The following LAMA2 variants were observed in gnomAD, a reference collection of about 807,000 sequenced individuals.
LAMA2 encodes the protein laminin subunit alpha 2.
A neutral mutation model predicts 364.8 loss-of-function variants in LAMA2; 269 were observed. The observed-to-expected ratio is 0.74, with a 90% confidence interval of 0.67 to 0.82. The LOEUF (loss-of-function observed/expected upper bound fraction) is 0.82. LAMA2 is among the 40% of genes least tolerant of loss of function. The pLI is 0.00. For missense variants in LAMA2, 3,807 were observed against 3,873.2 expected (o/e 0.98, Z 0.45); for synonymous variants, 1,379 against 1,370.6 (o/e 1.01, Z -0.14).
chr6:129,036,399 C>T (rs1786643138), intron 1 of LAMA2, among the ~76,000 whole-genome samples: 1 of 152,038 alleles, frequency 6.6e-6, no homozygotes, highest in African/African-American at 2.4e-5. Context: ...ACATTTGAAT[C>T]CATAGTGGAC....
At chr6:129,433,397 A>C (rs1298366452) in intron 41 of LAMA2, among the ~76,000 whole-genome samples, 1 of 152,152 alleles carries the variant, frequency 6.6e-6, no homozygotes, top group Non-Finnish European at 1.5e-5. Context: ...AAGATCCTGC[A>C]CTGGGTATTT....
At chr6:129,156,640 C>T (rs1779133170) in intron 8 of LAMA2, among the ~76,000 whole-genome samples, 3 of 151,818 alleles carry the variant, frequency 2.0e-5, no homozygotes, top group Admixed American at 2.0e-4. Context: ...ATAAGAAGTG[C>T]TTTCTCTGTA....
chr6:128,965,979 G>GTTTT lies in LAMA2; in HGVS notation c.112+82640_112+82643dup, dbSNP rs11342050. 8.5e-3 allele frequency among the ~76,000 whole-genome samples: 956 copies of GTTTT among 112,770 alleles called. 34 individuals carry two copies. Among genetic ancestry groups the GTTTT allele is most frequent in the African/African-American group, 0.03 (874 of 29,270 alleles). 74.0% of individuals were successfully genotyped at this position (112,770 alleles called of 152,430 possible). A position where few individuals can be genotyped will look rare whatever the true frequency, so the allele number is the denominator to read the frequency against. ...TGGAATATTAACATGTAAACCAGAG[G>GTTTT]TTTTTTTTTTTTTTTTTTTTTGAAC... On this transcript the variant is annotated intron_variant, in intron 1 of 64. Transcript: ENST00000421865.
At chr6:129,363,429 C>G (rs752569672) in intron 32 of LAMA2, among the ~76,000 whole-genome samples, 6 of 152,292 alleles carry the variant, frequency 3.9e-5, no homozygotes, top group Middle Eastern at 3.4e-3. Context: ...TCATGTGATT[C>G]CAATGGGCAG....
chr6:128,924,120 A>G (rs2114496071), intron 1 of LAMA2, among the ~76,000 whole-genome samples: 1 of 152,294 alleles, frequency 6.6e-6, no homozygotes, highest in South Asian at 2.1e-4. Flanking sequence ...ATCTATTAAA[A>G]TCATACTATG....
At chr6:129,144,796 A>T (rs993776592) in intron 5 of LAMA2, among the ~76,000 whole-genome samples, 2 of 152,022 alleles carry the variant, frequency 1.3e-5, no homozygotes, top group African/African-American at 2.4e-5. Flanking sequence ...TAGGGGAAAA[A>T]GTTTAAAGCA....
At chr6:129,231,685 C>A (rs1436201515) in intron 12 of LAMA2, among the ~76,000 whole-genome samples, 1 of 152,110 alleles carries the variant, frequency 6.6e-6, no homozygotes, top group Non-Finnish European at 1.5e-5. Flanking sequence ...GTTCCTTAAA[C>A]TACCCATGCA....
chr6:129,424,034 T>C (rs1419831092), intron 40 of LAMA2, among the ~76,000 whole-genome samples: 2 of 152,014 alleles, frequency 1.3e-5, no homozygotes, highest in Non-Finnish European at 2.9e-5. Flanking sequence ...TATTGACAAA[T>C]AGATTATTAG....
At chr6:128,985,602 AT>A (rs911975818) in intron 1 of LAMA2, among the ~76,000 whole-genome samples, 21 of 152,194 alleles carry the variant, frequency 1.4e-4, no homozygotes, top group African/African-American at 4.6e-4. Flanking sequence ...ATTTGAACAT[AT>A]AAAAAATGGA....
intron 12 of LAMA2, among the ~76,000 whole-genome samples, chr6:129,230,133 G>A (rs1195049350): frequency 6.6e-6 from 1 of 152,110 alleles, no homozygotes; most frequent in Non-Finnish European, 1.5e-5. Context: ...AACATTTAGA[G>A]GTTAGGAAAC....
intron 4 of LAMA2, among the ~76,000 whole-genome samples, chr6:129,120,315 A>T (rs1220898725): frequency 6.6e-6 from 1 of 152,218 alleles, no homozygotes; most frequent in East Asian, 1.9e-4. Context: ...TAATGTAATC[A>T]TTTGTAAAAT....
chr6:128,981,615 G>A (rs1782886516), intron 1 of LAMA2, among the ~76,000 whole-genome samples: 1 of 151,480 alleles, frequency 6.6e-6, no homozygotes, highest in Non-Finnish European at 1.5e-5. Flanking sequence ...GCTGGGCTTG[G>A]TGGTTGAGCC....
At chr6:128,977,677 T>C (rs149318475) in intron 1 of LAMA2, among the ~76,000 whole-genome samples, 14 of 152,360 alleles carry the variant, frequency 9.2e-5, no homozygotes, top group African/African-American at 3.1e-4. Flanking sequence ...TGATTGTGTA[T>C]ACTTTATATT....
At chr6:129,328,171 C>T (rs1463951275) in intron 28 of LAMA2, 107 bp from the exon 29 acceptor site, 5 of 946,108 alleles carry the variant, frequency 5.3e-6, no homozygotes, top group East Asian at 2.4e-5. Flanking sequence ...TTGCCCCTGC[C>T]GCAGGTGGGG....
At chr6:129,042,996 G>A (rs1445551989) in intron 1 of LAMA2, among the ~76,000 whole-genome samples, 1 of 152,074 alleles carries the variant, frequency 6.6e-6, no homozygotes, top group Non-Finnish European at 1.5e-5. Flanking sequence ...TCTTTTTAAG[G>A]ACATGTAATG....
chr6:129,358,840 T>A (rs1213103274), intron 32 of LAMA2, among the ~76,000 whole-genome samples: 4 of 152,018 alleles, frequency 2.6e-5, no homozygotes, highest in Non-Finnish European at 4.4e-5. Context: ...GATGAAATAT[T>A]TTCTTTAGTT....
chr6:129,460,652 T>A lies in LAMA2; in HGVS notation c.6992+328T>A, dbSNP rs144260302. ...ATGTCGAGGGGTTTTTTTGTGTCTG[T>A]GAGTACCTCATTGTTATAATTTTTT... is the stretch of plus-strand genomic sequence containing the variant. On this transcript the variant is annotated intron_variant, in intron 49 of 64. Transcript: ENST00000421865. 5.5e-3 allele frequency among the ~76,000 whole-genome samples: 832 copies of A among 152,192 alleles called. 2 individuals carry two copies. Among genetic ancestry groups the A allele is most frequent in the Middle Eastern group, 0.014 (4 of 294 alleles).
At chr6:129,495,461 T>A (rs190650249) in intron 58 of LAMA2, among the ~76,000 whole-genome samples, 82 of 152,272 alleles carry the variant, frequency 5.4e-4, no homozygotes, top group African/African-American at 1.9e-3. Flanking sequence ...GTGTGACCCC[T>A]CCCTCCCTTA....
chr6:129,086,393 A>C (rs1774389861), intron 3 of LAMA2, among the ~76,000 whole-genome samples: 1 of 152,226 alleles, frequency 6.6e-6, no homozygotes. Context: ...ATTCTATGGT[A>C]TCTACTGCTA....
Sources: gnomAD v4.1 joint callset for allele counts (sites outside exome capture counted in the v4.1 genomes callset) on GRCh38, gnomAD v4.1.1 for gene constraint, MANE v1.5 for transcripts, NCBI Gene and HGNC (gene_info 2026-07-23, HGNC 2026-07-21) for gene names.